Variants in DYNC2I2 observed in about 807,000 individuals in gnomAD.
The protein encoded by DYNC2I2 is cytoplasmic dynein 2 intermediate chain 2.
A neutral mutation model predicts 52.0 loss-of-function variants in DYNC2I2; 39 were observed. The ratio of observed to expected loss-of-function variants is 0.75; its 90% CI spans 0.58 to 0.98. The LOEUF is 0.98. Among genes scored for constraint, DYNC2I2 ranks in the 50% least tolerant of loss-of-function variants. The pLI is 0.00. For synonymous variants in DYNC2I2, 359 were observed against 321.1 expected, an observed-to-expected ratio of 1.12 and a Z score of -1.26; for missense variants, 743 against 728.4, an observed-to-expected ratio of 1.02 and a Z score of -0.23.
At chr9:128,674,448 TA>T in the DYNC2I2 span, among the ~76,000 whole-genome samples, 1 of 146,342 alleles carries the variant, frequency 6.8e-6, no homozygotes, top group South Asian at 2.4e-4. Context: ...CTAGCTAATT[TA>T]AAAAAAAATT....
chr9:128,655,335 TAA>T (rs869197100), intron 1 of DYNC2I2, among the ~76,000 whole-genome samples: 295 of 18,698 alleles, frequency 0.016, 5 homozygotes, highest in South Asian at 0.096. Flanking sequence ...CCGTCTCTAC[TAA>T]AAAAAAAAAA....
intron 4 of DYNC2I2, chr9:128,635,987 C>T (rs1042499956): frequency 4.5e-6 from 3 of 671,524 alleles, no homozygotes; most frequent in Admixed American, 5.0e-5. Context: ...CCTGGCAGCT[C>T]CCTCCAGCGT....
the DYNC2I2 span, among the ~76,000 whole-genome samples, chr9:128,674,880 T>C: frequency 0.97 from 147,475 of 152,246 alleles, 71,532 homozygotes; most frequent in Non-Finnish European, 1. Flanking sequence ...GCCCAGCCAA[T>C]GATAACTTTT....
At chr9:128,662,141 G>A in the DYNC2I2 span, among the ~76,000 whole-genome samples, 4,352 of 150,648 alleles carry the variant, frequency 0.029, 230 homozygotes, top group African/African-American at 0.1. Flanking sequence ...GCTGAGGCAG[G>A]AGAATCACTT....
intron 1 of DYNC2I2, chr9:128,652,143 A>C (rs1216844168): frequency 2.6e-5 from 4 of 151,392 alleles, no homozygotes; most frequent in Non-Finnish European, 5.9e-5. Flanking sequence ...GAAAGCACCA[A>C]GAATCGGGCC....
chr9:128,683,820 G>A, the DYNC2I2 span: 4 of 1,271,902 alleles, frequency 3.1e-6, no homozygotes, highest in Non-Finnish European at 4.4e-6. Context: ...CTGGCACCTG[G>A]GGCAGTCTCA....
chr9:128,655,004 G>A (rs1053271914), intron 1 of DYNC2I2, among the ~76,000 whole-genome samples: 2 of 151,952 alleles, frequency 1.3e-5, no homozygotes, highest in East Asian at 1.9e-4. Flanking sequence ...AGAGATGTCC[G>A]TCTTCTTCTC....
the DYNC2I2 span, among the ~76,000 whole-genome samples, chr9:128,684,219 C>G: frequency 3.3e-5 from 5 of 152,194 alleles, no homozygotes; most frequent in Non-Finnish European, 7.4e-5. Flanking sequence ...GCCCCCAACT[C>G]AACACTGACC....
chr9:128,665,134 G>A, the DYNC2I2 span, among the ~76,000 whole-genome samples: 6 of 149,102 alleles, frequency 4.0e-5, no homozygotes, highest in Non-Finnish European at 7.4e-5. Flanking sequence ...CTAACTGAAA[G>A]CTCCACCTCC....
intron 4 of DYNC2I2, 161 bp downstream of exon 4, chr9:128,636,120 A>C: frequency 8.9e-7 from 1 of 1,125,460 alleles, no homozygotes; most frequent in Non-Finnish European, 1.3e-6. Flanking sequence ...TCCACCCCTC[A>C]GGGCTCACTG....
intron 1 of DYNC2I2, among the ~76,000 whole-genome samples, chr9:128,655,383 C>T (rs1290036034): frequency 7.6e-6 from 1 of 131,350 alleles, no homozygotes; most frequent in Non-Finnish European, 1.6e-5. Context: ...TGGTGGCGGG[C>T]GCCTGTAGTC....
At chr9:128,672,509 A>AAAAAAAGT in the DYNC2I2 span, among the ~76,000 whole-genome samples, 1 of 152,136 alleles carries the variant, frequency 6.6e-6, no homozygotes, top group Non-Finnish European at 1.5e-5. Context: ...CTAAAAAAAA[A>AAAAAAAGT]AAAAAAGTTT....
At chr9:128,665,472 A>G in the DYNC2I2 span, among the ~76,000 whole-genome samples, 5 of 152,072 alleles carry the variant, frequency 3.3e-5, no homozygotes, top group Non-Finnish European at 7.4e-5. Context: ...CGTATTGAAT[A>G]AAACAAATGT....
upstream of DYNC2I2, among the ~76,000 whole-genome samples, chr9:128,658,112 A>G (rs1369189619): frequency 6.6e-6 from 1 of 151,924 alleles, no homozygotes; most frequent in Non-Finnish European, 1.5e-5. Flanking sequence ...TAATAATAAT[A>G]ACAACAAAAT....
chr9:128,664,491 C>CT, the DYNC2I2 span, among the ~76,000 whole-genome samples: 74 of 143,996 alleles, frequency 5.1e-4, no homozygotes, highest in South Asian at 3.7e-3. Flanking sequence ...TTTCATTTTT[C>CT]TTTTTTTTTT....
In DYNC2I2 at chr9:128,633,714, C is replaced by CG; in HGVS notation, c.*29dup. The CG allele has an allele frequency of 6.3e-7, 1 of 1,596,094 alleles. No individual in the cohort carries two copies. Among genetic ancestry groups the CG allele is most frequent in the Non-Finnish European group, 8.5e-7 (1 of 1,171,288 alleles). On this transcript the variant is annotated 3_prime_UTR_variant, in exon 9 of 9. Coordinates refer to ENST00000372715, the MANE Select transcript of DYNC2I2 (RefSeq NM_052844.4). ...GTCAGAAACACAAGGCTCGGCACAG[C>CG]GAAGGCTTGCACCCGCCTCCCGGGA...
intron 1 of DYNC2I2, among the ~76,000 whole-genome samples, chr9:128,644,459 C>T (rs1860575724): frequency 6.6e-6 from 1 of 151,898 alleles, no homozygotes; most frequent in East Asian, 1.9e-4. Flanking sequence ...AGAATTTTTT[C>T]GTAGAGACAG....
upstream of DYNC2I2, among the ~76,000 whole-genome samples, chr9:128,661,489 G>A (rs1860918127): frequency 6.6e-6 from 1 of 151,672 alleles, no homozygotes; most frequent in South Asian, 2.1e-4. Flanking sequence ...GACATAGCGG[G>A]TGCCTGTTAT....
chr9:128,676,685 C>A, the DYNC2I2 span, among the ~76,000 whole-genome samples: 1 of 152,066 alleles, frequency 6.6e-6, no homozygotes, highest in Admixed American at 6.6e-5. Context: ...GCACCTGTCA[C>A]CACGCCAGGC....
Sources: gnomAD v4.1 joint callset for allele counts (sites outside exome capture counted in the v4.1 genomes callset) on GRCh38, gnomAD v4.1.1 for gene constraint, MANE v1.5 for transcripts, NCBI Gene and HGNC (gene_info 2026-07-23, HGNC 2026-07-21) for gene names.